The following SLC25A13 variants were observed in gnomAD, a reference collection of about 807,000 sequenced individuals.
SLC25A13 encodes the protein electrogenic aspartate/glutamate antiporter SLC25A13, mitochondrial.
In SLC25A13, 70 loss-of-function variants were observed where a neutral mutation model predicts 85.5. The ratio of observed to expected loss-of-function variants is 0.82; its 90% confidence interval spans 0.68 to 1.00. SLC25A13 has a LOEUF of 1.00. Ranked by LOEUF, SLC25A13 falls within the 50% of genes least tolerant of loss-of-function variation. The pLI is 0.00. For missense variants in SLC25A13, 765 were observed against 819.8 expected, an observed-to-expected ratio of 0.93 and a Z score of 0.82; for synonymous variants, 259 against 288.7, an observed-to-expected ratio of 0.90 and a Z score of 1.04.
chr7:96,302,547 C>A (rs1799588848), intron 1 of SLC25A13, among the ~76,000 whole-genome samples: 1 of 152,090 alleles, frequency 6.6e-6, no homozygotes, highest in African/African-American at 2.4e-5. Context: ...CAAAGAAAAG[C>A]AAAGCTCTCC....
intron 5 of SLC25A13, 64 bp downstream of exon 5, chr7:96,208,774 G>GTAA: frequency 1.3e-6 from 2 of 1,596,506 alleles, no homozygotes; most frequent in Non-Finnish European, 1.7e-6. Flanking sequence ...CAAAGTGCTA[G>GTAA]GATTATAGGT....
intron 3 of SLC25A13, among the ~76,000 whole-genome samples, chr7:96,261,698 T>C (rs1171890333): frequency 6.6e-6 from 1 of 152,226 alleles, no homozygotes; most frequent in African/African-American, 2.4e-5. Flanking sequence ...CTATATCTCC[T>C]AACATTTTTG....
chr7:96,170,382 GT>G (rs1793947911), intron 12 of SLC25A13, among the ~76,000 whole-genome samples: 1 of 152,122 alleles, frequency 6.6e-6, no homozygotes, highest in Admixed American at 6.6e-5. Context: ...CCAAAAATAT[GT>G]TCTGCAATTA....
chr7:96,269,956 T>C (rs1201030879), intron 3 of SLC25A13, among the ~76,000 whole-genome samples: 2 of 152,160 alleles, frequency 1.3e-5, no homozygotes, highest in Non-Finnish European at 2.9e-5. Context: ...AGGGCCTCCC[T>C]TGGGGGAAGG....
In SLC25A13 at chr7:96,296,963, C is replaced by T. The variant is rs759837169; in HGVS notation, c.16-12G>A. On this transcript the variant is annotated splice_polypyrimidine_tract_variant and intron_variant, in intron 1 of 17. Coordinates refer to ENST00000265631, the MANE Select transcript of SLC25A13 (RefSeq NM_014251.3). The stretch of plus-strand genomic sequence containing the variant: ...TTGGTTAAAGCCACCTATAAATAAA[C>T]ATAAAAATGTTTATGTTATTACAAC... 6.2e-6 allele frequency: 10 copies of T among 1,609,696 alleles called. No homozygotes were observed. In the African/African-American group the frequency reaches 1.3e-4, roughly 22 times the overall value.
At chr7:96,146,212 A>C (rs992285005) in intron 14 of SLC25A13, among the ~76,000 whole-genome samples, 30 of 152,210 alleles carry the variant, frequency 2.0e-4, no homozygotes, top group African/African-American at 7.2e-4. Flanking sequence ...CAGAAAATAA[A>C]TTATGATACA....
rs369605456 is a variant in SLC25A13 at position 96,208,997 on chromosome 7, G to C, written c.329-20C>G. On this transcript the variant is annotated intron_variant, in intron 4 of 17. Transcript: ENST00000265631. ...CATCCTCTGAAAAGAGAAAAGACAGGTTGATTAAAACAAAGTAAATGAAGT... is the reference window on the plus strand; with the variant it reads ...CATCCTCTGAAAAGAGAAAAGACAGCTTGATTAAAACAAAGTAAATGAAGT... 1 of 1,613,044 alleles carries C rather than the reference G, an allele frequency of 6.2e-7. No homozygotes were observed. The highest frequency in any genetic ancestry group is 1.3e-5 in the African/African-American group (1 of 75,004).
intron 13 of SLC25A13, among the ~76,000 whole-genome samples, chr7:96,155,529 C>A (rs1793227826): frequency 6.6e-6 from 1 of 151,676 alleles, no homozygotes; most frequent in Non-Finnish European, 1.5e-5. Flanking sequence ...TTCCAGTCAG[C>A]CCTCTAACAA....
chr7:96,197,780 G>A (rs1487665268), intron 5 of SLC25A13, among the ~76,000 whole-genome samples: 1 of 152,116 alleles, frequency 6.6e-6, no homozygotes, highest in Non-Finnish European at 1.5e-5. Flanking sequence ...AGAAGTAAAC[G>A]AGTCATCTGT....
intron 2 of SLC25A13, among the ~76,000 whole-genome samples, chr7:96,295,212 C>T (rs548711391): frequency 3.4e-4 from 52 of 152,072 alleles, no homozygotes; most frequent in African/African-American, 1.1e-3. Flanking sequence ...CAAAATTAGC[C>T]GGGTGTGGTG....
intron 3 of SLC25A13, among the ~76,000 whole-genome samples, chr7:96,245,952 TGAA>T (rs1384382002): frequency 1.3e-5 from 2 of 152,140 alleles, no homozygotes; most frequent in Admixed American, 6.5e-5. Flanking sequence ...AAATGGCAAA[TGAA>T]GAAGGATAGT....
Position 96,208,881 on chromosome 7 carries a change from C to A in SLC25A13, c.425G>T (p.Arg142Ile). ...TTCCGCATATGTCAGGTGTCTTTTT[C>A]TTTCTTTTCCAAAATGTAGTTGCAC... ...EFVQLHFGKERKRHLTYAEFT... is the reference protein window; with the variant it reads ...EFVQLHFGKEIKRHLTYAEFT... The change falls in exon 5 of 18, where the codon AGA (arginine) becomes ATA (isoleucine). Residue 142 changes from arginine (R) to isoleucine (I), a missense_variant. Arg to Ile is a moderately conservative substitution (Grantham distance 97). Transcript: ENST00000265631. 1 of 1,614,054 alleles carries A rather than the reference C, an allele frequency of 6.2e-7. No individual in the cohort carries two copies. Among genetic ancestry groups the A allele is most frequent in the East Asian group, 2.2e-5 (1 of 44,866 alleles).
chr7:96,128,731 C>T (rs1424189050), intron 15 of SLC25A13, among the ~76,000 whole-genome samples: 1 of 148,354 alleles, frequency 6.7e-6, no homozygotes, highest in Admixed American at 6.8e-5. Context: ...GCATTCTGCA[C>T]ATGTATCCCA....
At chr7:96,280,756 A>T (rs1798647205) in intron 2 of SLC25A13, among the ~76,000 whole-genome samples, 1 of 152,054 alleles carries the variant, frequency 6.6e-6, no homozygotes, top group African/African-American at 2.4e-5. Context: ...ACCATGCCAT[A>T]CCCCCAAGAT....
intron 3 of SLC25A13, among the ~76,000 whole-genome samples, chr7:96,271,318 T>A (rs1456450607): frequency 6.6e-6 from 1 of 152,148 alleles, no homozygotes; most frequent in Non-Finnish European, 1.5e-5. Context: ...ACTAACACTC[T>A]GTATCTAATA....
chr7:96,144,681 G>C (rs567112666), intron 14 of SLC25A13, among the ~76,000 whole-genome samples: 1 of 152,198 alleles, frequency 6.6e-6, no homozygotes, highest in Non-Finnish European at 1.5e-5. Context: ...ATGGTTGGCA[G>C]CCTCTATTCA....
At chr7:96,151,700 T>C (rs754398237) in intron 13 of SLC25A13, among the ~76,000 whole-genome samples, 1 of 152,066 alleles carries the variant, frequency 6.6e-6, no homozygotes, top group Non-Finnish European at 1.5e-5. Flanking sequence ...CCCAGCACTT[T>C]GGGAGGTCAA....
chr7:96,212,527 T>C (rs1465427745), intron 4 of SLC25A13, among the ~76,000 whole-genome samples: 1 of 152,214 alleles, frequency 6.6e-6, no homozygotes, highest in East Asian at 1.9e-4. Flanking sequence ...AGATAAACCA[T>C]GATCTGGGAC....
chr7:96,304,201 A>G (rs1473134198), intron 1 of SLC25A13, among the ~76,000 whole-genome samples: 1 of 152,214 alleles, frequency 6.6e-6, no homozygotes, highest in Non-Finnish European at 1.5e-5. Context: ...AAATTAGTAC[A>G]AAGACAAGAT....
Sources: gnomAD v4.1 joint callset for allele counts (sites outside exome capture counted in the v4.1 genomes callset) on GRCh38, gnomAD v4.1.1 for gene constraint, MANE v1.5 for transcripts, NCBI Gene and HGNC (gene_info 2026-07-23, HGNC 2026-07-21) for gene names.